Variants in NBEA observed in about 807,000 individuals in gnomAD.
NBEA encodes neurobeachin.
NBEA carries 44 observed loss-of-function variants against 343.4 expected under a neutral mutation model. The observed-to-expected ratio is 0.13, with a 90% CI of 0.10 to 0.16. The LOEUF is 0.16. NBEA is among the 10% of genes least tolerant of loss of function. The pLI, the probability that NBEA is intolerant of heterozygous loss-of-function variation, is 1.00. For missense variants in NBEA, 2,555 were observed against 3,631.3 expected (o/e 0.70, Z 7.62); for synonymous variants, 1,175 against 1,238.7 (o/e 0.95, Z 1.08).
chr13:35,105,568 A>T (rs2065879971), intron 11 of NBEA, among the ~76,000 whole-genome samples: 1 of 152,056 alleles, frequency 6.6e-6, no homozygotes, highest in Non-Finnish European at 1.5e-5. Context: ...ATTACTGAGC[A>T]AGATTCTTCT....
In NBEA at chr13:35,288,909, A is replaced by G. The variant is rs144021046; in HGVS notation, c.5777-1480A>G. On this transcript the variant is annotated intron_variant, in intron 34 of 58. Coordinates refer to ENST00000379939, the MANE Select transcript of NBEA (RefSeq NM_001385012.1). The stretch of plus-strand genomic sequence containing the variant: ...GACTCCCTAGAACCTGAGCATGAGA[A>G]TTGCTGATCAGTTACACCAATTGTC... Among the ~76,000 whole-genome samples the G allele has an allele frequency of 4.1e-3, 628 of 152,010 alleles. 4 individuals are homozygous for G. Among genetic ancestry groups the G allele is most frequent in the African/African-American group, 0.015 (609 of 41,522 alleles).
intron 41 of NBEA, among the ~76,000 whole-genome samples, chr13:35,526,444 A>G (rs1057169650): frequency 6.6e-6 from 1 of 152,212 alleles, no homozygotes; most frequent in African/African-American, 2.4e-5. Flanking sequence ...CCAGGAGCTC[A>G]AGACCAGCTT....
intron 34 of NBEA, among the ~76,000 whole-genome samples, chr13:35,239,331 A>G (rs1242358150): frequency 1.3e-5 from 2 of 152,110 alleles, no homozygotes; most frequent in East Asian, 3.8e-4. Context: ...CATGGTGGCC[A>G]TCAAATATAG....
intron 34 of NBEA, among the ~76,000 whole-genome samples, chr13:35,246,822 T>C (rs2031271766): frequency 6.6e-6 from 1 of 152,056 alleles, no homozygotes; most frequent in South Asian, 2.1e-4. Context: ...CAGGTGGTAG[T>C]ATAGGGAGGA....
Position 34,942,910 on chromosome 13 carries a change from G to A in NBEA, c.90G>A (p.Gly30=). The part of the protein sequence containing the change: ...IAVGAAGGGG[G]GSGGGGTGGS... ...TCGGGGCCGCTGGCGGAGGCGGCGG[G>A]GGCAGCGGTGGTGGCGGCACCGGGG... The change falls in exon 1 of 59, where the codon GGG becomes GGA. Residue 30 remains glycine, a synonymous_variant. Coordinates refer to ENST00000379939, the MANE Select transcript of NBEA (RefSeq NM_001385012.1). 1.3e-6 allele frequency: 2 copies of A among 1,499,474 alleles called. No homozygotes were observed. Among genetic ancestry groups the A allele is most frequent in the East Asian group, 2.6e-5 (1 of 38,558 alleles). The allele number at this position is 1,499,474 out of a possible 1,614,324, so 92.9% of individuals were successfully genotyped here.
intron 38 of NBEA, among the ~76,000 whole-genome samples, chr13:35,429,264 G>A (rs989581892): frequency 1.3e-5 from 2 of 152,130 alleles, no homozygotes; most frequent in African/African-American, 4.8e-5. Context: ...CAAGGGTGTT[G>A]GGTGTCTCAT....
chr13:35,106,422 G>C (rs2065921298), intron 11 of NBEA, among the ~76,000 whole-genome samples: 1 of 151,746 alleles, frequency 6.6e-6, no homozygotes, highest in South Asian at 2.1e-4. Flanking sequence ...TTTTGAATTT[G>C]ACATTAATTC....
intron 1 of NBEA, among the ~76,000 whole-genome samples, chr13:34,992,931 C>T (rs541952970): frequency 1.3e-5 from 2 of 151,510 alleles, no homozygotes; most frequent in South Asian, 4.2e-4. Context: ...GATCCACCCG[C>T]TTTGGCCTCC....
intron 31 of NBEA, among the ~76,000 whole-genome samples, chr13:35,197,153 T>C (rs530375222): frequency 2.8e-4 from 43 of 152,304 alleles, no homozygotes; most frequent in Admixed American, 1.7e-3. Flanking sequence ...GTACTTAACA[T>C]TGATCACTGG....
chr13:35,574,294 TAA>T (rs35056179), intron 45 of NBEA, among the ~76,000 whole-genome samples: 1 of 135,094 alleles, frequency 7.4e-6, no homozygotes, highest in Non-Finnish European at 1.5e-5. Context: ...GGATATTCTT[TAA>T]AAAAAAAAAA....
At chr13:35,482,559 C>T (rs1410995379) in intron 41 of NBEA, among the ~76,000 whole-genome samples, 2 of 150,344 alleles carry the variant, frequency 1.3e-5, no homozygotes, top group Admixed American at 6.6e-5. Flanking sequence ...ATTTTATTAT[C>T]TAAAATCCCA....
chr13:35,361,966 G>A (rs2152875202), intron 38 of NBEA, among the ~76,000 whole-genome samples: 1 of 151,882 alleles, frequency 6.6e-6, no homozygotes, highest in African/African-American at 2.4e-5. Flanking sequence ...TTTTTACTGG[G>A]GTAGTGGTTT....
At chr13:35,132,536 T>G (rs997352943) in intron 17 of NBEA, among the ~76,000 whole-genome samples, 1 of 152,186 alleles carries the variant, frequency 6.6e-6, no homozygotes, top group Non-Finnish European at 1.5e-5. Flanking sequence ...AAACAAAATG[T>G]TTTATGTCTA....
rs574177852 is a variant in NBEA at position 34,994,237 on chromosome 13, A to G, written c.295-46696A>G. ...AAAAAAAAAAAAAAAGTTCTATAAG[A>G]AAAAAGTAAATAAATGGAGTTTAGT... On this transcript the variant is annotated intron_variant, in intron 1 of 58. Transcript: ENST00000379939. Among the ~76,000 whole-genome samples the G allele has an allele frequency of 7.9e-4, 120 of 151,422 alleles. 1 individual carries two copies. The highest frequency in any genetic ancestry group is 2.2e-3 in the African/African-American group (91 of 41,428).
chr13:35,460,942 G>A (rs757319098), intron 40 of NBEA, among the ~76,000 whole-genome samples: 6 of 152,166 alleles, frequency 3.9e-5, no homozygotes, highest in African/African-American at 7.2e-5. Flanking sequence ...GGCCGTACCC[G>A]GCATCACATG....
At chr13:35,565,973 C>T (rs1214770233) in intron 44 of NBEA, among the ~76,000 whole-genome samples, 1 of 152,136 alleles carries the variant, frequency 6.6e-6, no homozygotes, top group African/African-American at 2.4e-5. Flanking sequence ...GTACTTCTGT[C>T]CACTCGCAAA....
At chr13:35,574,904 C>T (rs898960972) in intron 45 of NBEA, among the ~76,000 whole-genome samples, 2 of 151,996 alleles carry the variant, frequency 1.3e-5, no homozygotes, top group Non-Finnish European at 2.9e-5. Context: ...CGTGCACCAC[C>T]ACGCCTGGCT....
At chr13:35,427,329 G>T (rs1485621653) in intron 38 of NBEA, among the ~76,000 whole-genome samples, 2 of 152,162 alleles carry the variant, frequency 1.3e-5, no homozygotes, top group Non-Finnish European at 2.9e-5. Context: ...TGTCCTTCCT[G>T]TTTGTTAGTT....
chr13:35,543,846 G>A (rs1394552551), intron 41 of NBEA, among the ~76,000 whole-genome samples: 1 of 152,090 alleles, frequency 6.6e-6, no homozygotes, highest in Non-Finnish European at 1.5e-5. Context: ...CATCCTCACT[G>A]CATGTGCCAC....
Sources: allele counts gnomAD v4.1 joint callset (sites outside exome capture counted in the v4.1 genomes callset), GRCh38; gene constraint gnomAD v4.1.1; transcripts MANE v1.5; gene names NCBI Gene and HGNC (gene_info 2026-07-23, HGNC 2026-07-21).